Variants in ST3GAL3 observed in about 807,000 individuals in gnomAD.
ST3GAL3 encodes CMP-N-acetylneuraminate-beta-1,4-galactoside alpha-2,3-sialyltransferase.
In ST3GAL3, 21 loss-of-function variants were observed where a neutral mutation model predicts 50.1. The observed-to-expected ratio is 0.42, with a 90% CI of 0.30 to 0.60. The LOEUF (loss-of-function observed/expected upper bound fraction) is 0.60. Ranked by LOEUF, ST3GAL3 falls within the 20% of genes least tolerant of loss-of-function variation. ST3GAL3 has a pLI of 0.19. For missense variants in ST3GAL3, 353 were observed against 489.4 expected (o/e 0.72, Z 2.63); for synonymous variants, 183 against 190.0 (o/e 0.96, Z 0.30).
intron 1 of ST3GAL3, among the ~76,000 whole-genome samples, chr1:43,730,853 T>C (rs1675424366): frequency 6.6e-6 from 1 of 152,086 alleles, no homozygotes; most frequent in Non-Finnish European, 1.5e-5. Flanking sequence ...AGCCATCAAG[T>C]CTCTGATTTC....
Position 43,835,832 on chromosome 1 carries a change from A to G in ST3GAL3, c.210-2387A>G, listed in dbSNP as rs543256795. 6.6e-5 allele frequency among the ~76,000 whole-genome samples: 10 copies of G among 152,286 alleles called. No individual in the cohort carries two copies. In the South Asian group the frequency reaches 1.9e-3, roughly 28 times the overall value. On this transcript the variant is annotated intron_variant, in intron 4 of 11. Coordinates refer to ENST00000347631, the MANE Select transcript of ST3GAL3 (RefSeq NM_006279.5). Reference sequence around the variant, plus strand: ...CAAGGCAGGCAAGCAGATGGTGGGGACTGGGGACAGGACATGAAGAGACTC... The same window carrying G: ...CAAGGCAGGCAAGCAGATGGTGGGGGCTGGGGACAGGACATGAAGAGACTC...
chr1:43,723,097 C>T (rs1671246727), intron 1 of ST3GAL3, among the ~76,000 whole-genome samples: 1 of 151,506 alleles, frequency 6.6e-6, no homozygotes, highest in Non-Finnish European at 1.5e-5. Context: ...CAACCCTCCC[C>T]TCTCTCTCTT....
At chr1:43,725,327 C>T (rs963965075) in intron 1 of ST3GAL3, among the ~76,000 whole-genome samples, 2 of 152,170 alleles carry the variant, frequency 1.3e-5, no homozygotes, top group African/African-American at 4.8e-5. Flanking sequence ...CCTCAGCCTC[C>T]CAAGTAGCTG....
intron 3 of ST3GAL3, among the ~76,000 whole-genome samples, chr1:43,813,217 T>C (rs1161374472): frequency 2.0e-5 from 3 of 152,138 alleles, no homozygotes; most frequent in Admixed American, 6.5e-5. Flanking sequence ...TTAGCTCAGG[T>C]CTGAGGAGCA....
intron 2 of ST3GAL3, among the ~76,000 whole-genome samples, chr1:43,789,240 G>T (rs907291944): frequency 6.6e-6 from 1 of 152,124 alleles, no homozygotes; most frequent in African/African-American, 2.4e-5. Context: ...TGTTTTGGGG[G>T]CAATAAGAGC....
intron 2 of ST3GAL3, chr1:43,771,822 G>A (rs1695350246): frequency 5.1e-6 from 2 of 392,892 alleles, no homozygotes; most frequent in Non-Finnish European, 9.0e-6. Flanking sequence ...GATGCTTATA[G>A]TGTTAATTTG....
chr1:43,785,204 G>A (rs1448898195), intron 2 of ST3GAL3, among the ~76,000 whole-genome samples: 1 of 152,168 alleles, frequency 6.6e-6, no homozygotes, highest in Non-Finnish European at 1.5e-5. Context: ...TATCAGTTCT[G>A]TTAACAGACT....
At chr1:43,744,688 A>AAATAAATAAATAAATT (rs1228939710) in intron 2 of ST3GAL3, among the ~76,000 whole-genome samples, 24 of 120,320 alleles carry the variant, frequency 2.0e-4, no homozygotes, top group Admixed American at 1.8e-3. Flanking sequence ...ATAAATAAAT[A>AAATAAATAAATAAATT]AAATAAAATA....
At chr1:43,928,541 A>G (rs1002617743) in intron 11 of ST3GAL3, among the ~76,000 whole-genome samples, 1 of 152,024 alleles carries the variant, frequency 6.6e-6, no homozygotes, top group Non-Finnish European at 1.5e-5. Flanking sequence ...CGGAGGTTGC[A>G]GTGAGCCAAG....
intron 9 of ST3GAL3, among the ~76,000 whole-genome samples, chr1:43,917,495 TA>T (rs1557534536): frequency 1.1e-4 from 8 of 71,532 alleles, no homozygotes; most frequent in South Asian, 4.4e-4. Context: ...ATATAATATA[TA>T]TAATATATTA....
At chr1:43,754,811 G>A (rs1687446855) in intron 2 of ST3GAL3, among the ~76,000 whole-genome samples, 1 of 152,070 alleles carries the variant, frequency 6.6e-6, no homozygotes, top group Admixed American at 6.6e-5. Context: ...TTAGCTGAGT[G>A]TAGTGGTGTG....
rs867917759 is a variant in ST3GAL3, at chr1:43,872,199, G to C, written c.303-22184G>C. 4.2e-3 allele frequency among the ~76,000 whole-genome samples: 448 copies of C among 106,284 alleles called. 10 individuals carry two copies. Among genetic ancestry groups the C allele is most frequent in the African/African-American group, 0.016 (424 of 26,548 alleles). 69.7% of individuals were successfully genotyped at this position (106,284 alleles called of 152,430 possible). On this transcript the variant is annotated intron_variant, in intron 5 of 11. Coordinates refer to ENST00000347631, the MANE Select transcript of ST3GAL3 (RefSeq NM_006279.5). ...GGCTGGGGTGTGAGGGACAGGAGGG[G>C]GTGTATTGAGAGGGGTGTGGGGGGC...
chr1:43,894,182 T>C (rs147211077), intron 5 of ST3GAL3: 181 of 632,070 alleles, frequency 2.9e-4, no homozygotes, highest in Non-Finnish European at 3.1e-4. Flanking sequence ...CCAGGCCTAC[T>C]CCCTCAGACT....
intron 10 of ST3GAL3, 24 bp downstream of exon 10, chr1:43,920,574 AG>A: frequency 1.3e-6 from 2 of 1,597,326 alleles, no homozygotes; most frequent in Middle Eastern, 1.7e-4. Flanking sequence ...GCCCTGGGAG[AG>A]GGAGGAGGAA....
rs905755818 is a variant in ST3GAL3 at position 43,815,876 on chromosome 1, T to C, written c.209+943T>C. ...TGTCAGGTGCCCGTTAAACACTGAA[T>C]GCTTGGTTGGATGGATGGATGGATG... is the stretch of plus-strand genomic sequence containing the variant. On this transcript the variant is annotated intron_variant, in intron 4 of 11. Coordinates refer to ENST00000347631, the MANE Select transcript of ST3GAL3 (RefSeq NM_006279.5). 6.2e-4 allele frequency among the ~76,000 whole-genome samples: 91 copies of C among 147,364 alleles called. 1 individual carries two copies. Among genetic ancestry groups the C allele is most frequent in the African/African-American group, 2.3e-3 (89 of 38,720 alleles).
At chr1:43,824,214 T>C (rs1203492783) in intron 4 of ST3GAL3, among the ~76,000 whole-genome samples, 1 of 152,188 alleles carries the variant, frequency 6.6e-6, no homozygotes. Flanking sequence ...AGAAGATTTT[T>C]AGGGAGACGG....
chr1:43,717,835 A>T lies in ST3GAL3; in HGVS notation c.-31+10142A>T, dbSNP rs567900269. On this transcript the variant is annotated intron_variant, in intron 1 of 11. Coordinates refer to ENST00000347631, the MANE Select transcript of ST3GAL3 (RefSeq NM_006279.5). ...TATTTTCTAATGATGTATTTTACAC[A>T]TACAAGAACAGAACAAATAATTATA... Among the ~76,000 whole-genome samples the T allele has an allele frequency of 3.7e-4, 56 of 151,770 alleles. 1 individual carries two copies. Among genetic ancestry groups the T allele is most frequent in the African/African-American group, 1.3e-3 (55 of 41,412 alleles).
At chr1:43,803,887 A>G (rs2059594128) in intron 3 of ST3GAL3, among the ~76,000 whole-genome samples, 1 of 152,222 alleles carries the variant, frequency 6.6e-6, no homozygotes, top group Non-Finnish European at 1.5e-5. Flanking sequence ...GCAGAGACAC[A>G]CGTGCTCCTT....
chr1:43,729,212 C>T (rs557899797), intron 1 of ST3GAL3, among the ~76,000 whole-genome samples: 3 of 151,752 alleles, frequency 2.0e-5, no homozygotes, highest in East Asian at 3.9e-4. Context: ...GCCTCAGCCT[C>T]CCAAGTAGCT....
Sources: gnomAD v4.1 joint callset for allele counts (sites outside exome capture counted in the v4.1 genomes callset) on GRCh38, gnomAD v4.1.1 for gene constraint, MANE v1.5 for transcripts, NCBI Gene and HGNC (gene_info 2026-07-23, HGNC 2026-07-21) for gene names.